The following APLF variants were observed in gnomAD, a reference collection of about 807,000 sequenced individuals.
APLF encodes the protein aprataxin and PNKP like factor, also known as aprataxin and PNK-like factor.
Under a neutral mutation model 55.6 loss-of-function variants are expected in APLF, and 61 were observed. The ratio of observed to expected loss-of-function variants is 1.10; its 90% CI spans 0.89 to 1.36. The LOEUF (loss-of-function observed/expected upper bound fraction) is 1.36, where lower values mean the gene tolerates loss of function less well. Among genes scored for constraint, APLF ranks in the 40% most tolerant of loss-of-function variants. APLF has a pLI of 0.00. For missense variants in APLF, 611 were observed against 602.5 expected (o/e 1.01, Z -0.15); for synonymous variants, 207 against 214.8 (o/e 0.96, Z 0.32).
intron 5 of APLF, 81 bp from the exon 6 acceptor site, chr2:68,525,974 CCTTTTT>C (rs1670033428): frequency 1.5e-6 from 2 of 1,323,970 alleles, no homozygotes; most frequent in South Asian, 3.2e-5. Flanking sequence ...GGTCTCGAAT[CCTTTTT>C]CTTTTTTCTT....
intron 5 of APLF, among the ~76,000 whole-genome samples, chr2:68,518,086 T>C (rs1669694059): frequency 1.5e-5 from 2 of 132,466 alleles, no homozygotes; most frequent in Admixed American, 1.7e-4. Context: ...TATATAATAT[T>C]AATATATATT....
intron 9 of APLF, among the ~76,000 whole-genome samples, chr2:68,577,115 A>G (rs967941426): frequency 1.2e-4 from 19 of 152,226 alleles, no homozygotes; most frequent in Non-Finnish European, 1.6e-4. Context: ...AACTGTAAGA[A>G]TATCTTAGAC....
In APLF at chr2:68,526,134, A is replaced by G. The variant is rs1301840652; in HGVS notation, c.696A>G (p.Gly232=). 3 of 1,614,020 alleles carry G rather than the reference A, an allele frequency of 1.9e-6. No homozygotes were observed. The highest frequency in any genetic ancestry group is 1.7e-5 in the Admixed American group (1 of 60,034). ...CCCAGCTAAACACAACCCAGCAAGG[A>G]AGAAGGCAATTAATTTCATCAGGAA... ...DKSQLNTTQQ[G]RRQLISSGSS... Residue 232 remains glycine, a synonymous_variant, in exon 6 of 10, where the codon GGA becomes GGG. Coordinates refer to ENST00000303795, the MANE Select transcript of APLF (RefSeq NM_173545.3).
At chr2:68,537,407 G>A (rs1670422921) in intron 6 of APLF, among the ~76,000 whole-genome samples, 2 of 144,158 alleles carry the variant, frequency 1.4e-5, no homozygotes, top group African/African-American at 5.2e-5. Flanking sequence ...TGTTCTTGTT[G>A]CCCAGGCTGG....
Position 68,498,958 on chromosome 2 carries a change from A to G in APLF, c.169-3773A>G, listed in dbSNP as rs1396464534. On this transcript the variant is annotated intron_variant, in intron 2 of 9. Coordinates refer to ENST00000303795, the MANE Select transcript of APLF (RefSeq NM_173545.3). ...TTTCTTCTCATGAAATTAAAATTGT[A>G]CTTGTGAAATATCTGGAAAATCCTA... Among the ~76,000 whole-genome samples the G allele has an allele frequency of 2.6e-5, 4 of 152,018 alleles. No homozygotes were observed. The East Asian group carries it at 7.7e-4, about 29-fold the overall frequency.
intron 9 of APLF, 44 bp downstream of exon 9, chr2:68,567,431 T>A (rs374236112): frequency 7.0e-7 from 1 of 1,435,684 alleles, no homozygotes; most frequent in African/African-American, 1.5e-5. Context: ...AACCTTTAAA[T>A]GATTTTCCTA....
At chr2:68,562,223 A>G (rs1403607930) in intron 8 of APLF, among the ~76,000 whole-genome samples, 2 of 151,942 alleles carry the variant, frequency 1.3e-5, no homozygotes, top group East Asian at 3.9e-4. Context: ...TGGTTACTAG[A>G]GGCTGGAAGG....
At chr2:68,507,705 A>G (rs373136049) in intron 3 of APLF, among the ~76,000 whole-genome samples, 46 of 152,060 alleles carry the variant, frequency 3.0e-4, no homozygotes, top group Middle Eastern at 6.8e-3. Context: ...TTTTGAATGC[A>G]TTAATGAAAT....
intron 8 of APLF, chr2:68,563,142 T>C: frequency 4.1e-6 from 4 of 985,294 alleles, no homozygotes; most frequent in Non-Finnish European, 4.8e-6. Context: ...AGCTAGTTTC[T>C]TCTGGTCTGC....
rs1301228498 is a variant in APLF at position 68,529,284 on chromosome 2, G to A, written c.804+3042G>A. On this transcript the variant is annotated intron_variant, in intron 6 of 9. Transcript: ENST00000303795. This position sits in a 1 kb window ranked among gnomAD's most constrained non-coding sequence, Gnocchi z 4.4. Reference sequence around the variant, plus strand: ...CCTGGAAAAGAAGGCCCAAGATGTCGCTGACGGTTGAAGAGGAGTGGGAAA... The same window carrying A: ...CCTGGAAAAGAAGGCCCAAGATGTCACTGACGGTTGAAGAGGAGTGGGAAA... 6.7e-6 allele frequency: 9 copies of A among 1,350,554 alleles called. No individual in the cohort carries two copies. Among genetic ancestry groups the A allele is most frequent in the Admixed American group, 2.9e-5 (1 of 33,980 alleles). 83.7% of individuals were successfully genotyped at this position (1,350,554 alleles called of 1,614,324 possible).
chr2:68,484,774 A>T, intron 1 of APLF, among the ~76,000 whole-genome samples: 1 of 151,974 alleles, frequency 6.6e-6, no homozygotes, highest in African/African-American at 2.4e-5. Flanking sequence ...AGGTGGGCAG[A>T]TCACTTGGAG....
At chr2:68,496,625 A>C (rs1676558285) in intron 2 of APLF, among the ~76,000 whole-genome samples, 1 of 152,168 alleles carries the variant, frequency 6.6e-6, no homozygotes, top group Non-Finnish European at 1.5e-5. Context: ...CAGCCAGGCC[A>C]CTTCTTGAAC....
At chr2:68,531,717 T>A (rs1434533955) in intron 6 of APLF, among the ~76,000 whole-genome samples, 1 of 152,262 alleles carries the variant, frequency 6.6e-6, no homozygotes, top group Admixed American at 6.5e-5. Context: ...GTTGCCTTTT[T>A]TCAAGAGAAA....
At chr2:68,537,558 C>T (rs1255282864) in intron 6 of APLF, among the ~76,000 whole-genome samples, 5 of 151,894 alleles carry the variant, frequency 3.3e-5, no homozygotes, top group African/African-American at 7.3e-5. Context: ...TTAGTAAAGA[C>T]GGGGTTTCAC....
At chr2:68,535,286 C>T in intron 6 of APLF, 1 of 431,882 alleles carries the variant, frequency 2.3e-6, no homozygotes, top group Non-Finnish European at 4.7e-6. Flanking sequence ...ATAATAGATG[C>T]TTATTGTCAA....
intron 8 of APLF, among the ~76,000 whole-genome samples, chr2:68,557,096 C>G (rs1275143298): frequency 6.6e-6 from 1 of 152,146 alleles, no homozygotes; most frequent in Non-Finnish European, 1.5e-5. Flanking sequence ...CTGGTATCTG[C>G]AGGGGATTGG....
At chr2:68,498,211 C>G (rs1354424873) in intron 2 of APLF, among the ~76,000 whole-genome samples, 1 of 152,150 alleles carries the variant, frequency 6.6e-6, no homozygotes, top group African/African-American at 2.4e-5. Context: ...GTCACAAATT[C>G]TTTGATCTAC....
chr2:68,545,921 T>C (rs1392645036), intron 8 of APLF, among the ~76,000 whole-genome samples: 2 of 152,186 alleles, frequency 1.3e-5, no homozygotes, highest in Non-Finnish European at 2.9e-5. Context: ...TGAATGAACT[T>C]GAAATGAAAC....
At chr2:68,508,767 A>G (rs893993505) in intron 3 of APLF, among the ~76,000 whole-genome samples, 1 of 151,754 alleles carries the variant, frequency 6.6e-6, no homozygotes, top group African/African-American at 2.4e-5. Context: ...TGCCAAGACA[A>G]TCCTAAGCCA....
Sources: allele counts gnomAD v4.1 joint callset (sites outside exome capture counted in the v4.1 genomes callset), GRCh38; gene constraint gnomAD v4.1.1; non-coding constraint Gnocchi (gnomAD v3.1); transcripts MANE v1.5; gene names NCBI Gene and HGNC (gene_info 2026-07-23, HGNC 2026-07-21).